Variants in ZNF565 observed in about 807,000 individuals in gnomAD.
ZNF565 encodes the protein zinc finger protein 565.
Under a neutral mutation model 39.4 loss-of-function variants are expected in ZNF565, and 27 were observed. That is an observed-to-expected ratio of 0.69 (90% CI 0.51 to 0.95). ZNF565 has a LOEUF of 0.95. Ranked by LOEUF, ZNF565 falls within the 40% of genes least tolerant of loss-of-function variation. The pLI is 0.00. For synonymous variants in ZNF565, 185 were observed against 216.6 expected (o/e 0.85, Z 1.28); for missense variants, 524 against 621.1 (o/e 0.84, Z 1.66).
intron 1 of ZNF565, among the ~76,000 whole-genome samples, chr19:36,232,906 A>C (rs2145450987): frequency 6.6e-6 from 1 of 152,208 alleles, no homozygotes; most frequent in East Asian, 1.9e-4. Flanking sequence ...TTTCATATGA[A>C]CATTTTTTAA....
chr19:36,199,312 C>T (rs137954549), intron 2 of ZNF565, among the ~76,000 whole-genome samples: 5 of 152,062 alleles, frequency 3.3e-5, no homozygotes, highest in African/African-American at 7.2e-5. Context: ...AAGAGTGTTC[C>T]GTCACTGAAG....
chr19:36,214,142 C>A (rs1166231425), intron 1 of ZNF565, among the ~76,000 whole-genome samples: 2 of 151,950 alleles, frequency 1.3e-5, no homozygotes, highest in Admixed American at 6.6e-5. Context: ...ATACACAGCA[C>A]CACACACATA....
At chr19:36,199,368 T>C (rs1208011450) in intron 2 of ZNF565, among the ~76,000 whole-genome samples, 1 of 152,122 alleles carries the variant, frequency 6.6e-6, no homozygotes, top group Non-Finnish European at 1.5e-5. Context: ...AAACAGATGT[T>C]ACCACATACA....
rs751215600 is a variant in ZNF565 at position 36,201,974 on chromosome 19, T to C, written c.9+3A>G. The C allele has an allele frequency of 6.2e-7, 1 of 1,614,054 alleles. No individual in the cohort carries two copies. Among genetic ancestry groups the C allele is most frequent in the African/African-American group, 1.3e-5 (1 of 75,058 alleles). On this transcript the variant is annotated splice_donor_region_variant and intron_variant, in intron 2 of 4. Transcript: ENST00000304116. ...TCTAAGGATAGAAGGAATTTCAACA[T>C]ACCTGGGCCATGGCTTTTAGAACTA...
At chr19:36,237,505 T>C in intron 1 of ZNF565, 1 of 583,282 alleles carries the variant, frequency 1.7e-6, no homozygotes, top group Non-Finnish European at 2.8e-6. Context: ...TAAAACCCTG[T>C]GTCCAACAGA....
At chr19:36,189,345 G>A (rs149338131) in intron 4 of ZNF565, among the ~76,000 whole-genome samples, 4,721 of 150,196 alleles carry the variant, frequency 0.031, 171 homozygotes, top group African/African-American at 0.094. Flanking sequence ...ACAGAGTCTC[G>A]CTCTGTCGCC....
At chr19:36,242,895 A>G (rs1977823037) in intron 1 of ZNF565, among the ~76,000 whole-genome samples, 1 of 152,144 alleles carries the variant, frequency 6.6e-6, no homozygotes, top group Non-Finnish European at 1.5e-5. Flanking sequence ...TTTTCCCCTG[A>G]TAATTCATCA....
At chr19:36,186,472 T>C (rs1270615511) in intron 4 of ZNF565, among the ~76,000 whole-genome samples, 1 of 152,192 alleles carries the variant, frequency 6.6e-6, no homozygotes, top group Non-Finnish European at 1.5e-5. Context: ...AAGATGGAAA[T>C]ACTGCCTTTT....
intron 1 of ZNF565, among the ~76,000 whole-genome samples, chr19:36,208,860 T>A (rs542911346): frequency 2.6e-5 from 4 of 152,050 alleles, no homozygotes; most frequent in Admixed American, 2.6e-4. Context: ...TGAGGTAGGG[T>A]CTAATTCTGT....
chr19:36,208,198 C>T (rs1184849197), intron 1 of ZNF565, among the ~76,000 whole-genome samples: 2 of 140,678 alleles, frequency 1.4e-5, no homozygotes, highest in Admixed American at 7.9e-5. Flanking sequence ...TTATGAGTTA[C>T]AGGACAATTT....
At chr19:36,203,536 C>T (rs2310857) in intron 1 of ZNF565, 149,146 of 152,274 alleles carry the variant, frequency 0.98, 73,333 homozygotes, top group Middle Eastern at 1. Context: ...CTGTGAATGG[C>T]ATACATCTCA....
At chr19:36,199,328 A>C (rs1385911770) in intron 2 of ZNF565, among the ~76,000 whole-genome samples, 3 of 152,036 alleles carry the variant, frequency 2.0e-5, no homozygotes, top group Non-Finnish European at 4.4e-5. Context: ...TGAAGTTCCC[A>C]ATCACAGCCC....
upstream of ZNF565, among the ~76,000 whole-genome samples, chr19:36,218,346 T>C (rs949697809): frequency 8.5e-5 from 13 of 152,090 alleles, no homozygotes; most frequent in Non-Finnish European, 1.9e-4. Flanking sequence ...ACTTGATTAA[T>C]GTTAAATACT....
At chr19:36,200,973 G>C (rs982490340) in intron 2 of ZNF565, among the ~76,000 whole-genome samples, 2 of 151,966 alleles carry the variant, frequency 1.3e-5, no homozygotes, top group Admixed American at 1.3e-4. Context: ...ATATATATTT[G>C]ACGGTATTAA....
intron 1 of ZNF565, chr19:36,237,394 CTT>C (rs1977683803): frequency 5.7e-6 from 8 of 1,392,670 alleles, no homozygotes; most frequent in Non-Finnish European, 6.7e-6. Context: ...AGAAATAATC[CTT>C]CTGAAGCAAA....
intron 1 of ZNF565, among the ~76,000 whole-genome samples, chr19:36,228,092 G>A (rs1184970341): frequency 3.3e-5 from 5 of 151,576 alleles, no homozygotes; most frequent in East Asian, 1.9e-4. Context: ...CCCAGGAGGC[G>A]GTGGTTGCAG....
chr19:36,215,936 C>T (rs1233799154), upstream of ZNF565, among the ~76,000 whole-genome samples: 1 of 152,098 alleles, frequency 6.6e-6, no homozygotes, highest in Non-Finnish European at 1.5e-5. Flanking sequence ...TCCTAGGTGT[C>T]TTAATTCCTT....
At chr19:36,237,547 T>C (rs1356167402) in intron 1 of ZNF565, 4 of 387,830 alleles carry the variant, frequency 1.0e-5, no homozygotes, top group Non-Finnish European at 1.8e-5. Context: ...GGTGAAAGTT[T>C]AGGCACATTT....
intron 1 of ZNF565, among the ~76,000 whole-genome samples, chr19:36,240,017 A>G (rs771563133): frequency 6.6e-5 from 10 of 152,162 alleles, no homozygotes; most frequent in Non-Finnish European, 1.5e-4. Context: ...GTCTAAATGA[A>G]TCTGCCCTTT....
Sources: allele counts gnomAD v4.1 joint callset (sites outside exome capture counted in the v4.1 genomes callset), GRCh38; gene constraint gnomAD v4.1.1; transcripts MANE v1.5; gene names NCBI Gene and HGNC (gene_info 2026-07-23, HGNC 2026-07-21).